The following LCOR variants were observed in gnomAD, a reference collection of about 807,000 sequenced individuals.
The protein encoded by LCOR is ligand-dependent corepressor.
Under a neutral mutation model 64.4 loss-of-function variants are expected in LCOR, and 14 were observed. The ratio of observed to expected loss-of-function variants is 0.22; its 90% CI spans 0.14 to 0.34. The LOEUF (loss-of-function observed/expected upper bound fraction) is 0.34, where lower values mean the gene tolerates loss of function less well. LCOR is among the 10% of genes least tolerant of loss of function. The pLI, the probability that LCOR is intolerant of heterozygous loss-of-function variation, is 1.00. For synonymous variants in LCOR, 643 were observed against 642.5 expected (o/e 1.00, Z -0.01); for missense variants, 1,686 against 1,765.3 (o/e 0.96, Z 0.80).
chr10:96,953,189 C>T (rs1847711424), intron 7 of LCOR, among the ~76,000 whole-genome samples: 1 of 152,088 alleles, frequency 6.6e-6, no homozygotes, highest in African/African-American at 2.4e-5. Context: ...TTAACCCCTT[C>T]TTTTCACTAT....
At chr10:96,938,970 A>G (rs545980848) in intron 4 of LCOR, among the ~76,000 whole-genome samples, 1 of 152,230 alleles carries the variant, frequency 6.6e-6, no homozygotes, top group African/African-American at 2.4e-5. Context: ...TTTTCTACCA[A>G]AATCCCAACT....
chr10:96,969,583 C>T (rs528853596), intron 7 of LCOR, among the ~76,000 whole-genome samples: 1 of 152,158 alleles, frequency 6.6e-6, no homozygotes, highest in South Asian at 2.1e-4. Context: ...GAACAATGAT[C>T]TAAGAGCTGA....
At chr10:96,888,134 A>T (rs1846375122) in intron 2 of LCOR, among the ~76,000 whole-genome samples, 1 of 151,140 alleles carries the variant, frequency 6.6e-6, no homozygotes, top group African/African-American at 2.4e-5. Context: ...TGGGAGGCCG[A>T]GGTTGGCGGA....
At chr10:96,979,714 T>C (rs968073716) in intron 7 of LCOR, among the ~76,000 whole-genome samples, 3 of 152,232 alleles carry the variant, frequency 2.0e-5, no homozygotes, top group Non-Finnish European at 2.9e-5. Context: ...AGACTGCGAA[T>C]TGGGACTTGC....
At chr10:96,867,282 T>C (rs1845990604) in intron 2 of LCOR, among the ~76,000 whole-genome samples, 1 of 152,176 alleles carries the variant, frequency 6.6e-6, no homozygotes. Context: ...CGTGAGCCAC[T>C]GTGCCCGGAC....
rs964298705 is a variant in LCOR at position 96,990,137 on chromosome 10, A to C, written c.*5003A>C. ...GAAAAATAAAAAGATTATTGTATTT[A>C]AAACGAGCAGAATTGTGGGAGGGCC... is the stretch of plus-strand genomic sequence containing the variant. On this transcript the variant is annotated 3_prime_UTR_variant, in exon 8 of 8. Coordinates refer to ENST00000421806, the MANE Select transcript of LCOR (RefSeq NM_001346516.2). The C allele has an allele frequency of 1.3e-4, 20 of 152,180 alleles. No homozygotes were observed. Among genetic ancestry groups the C allele is most frequent in the African/African-American group, 4.6e-4 (19 of 41,438 alleles). 9.4% of individuals were successfully genotyped at this position (152,180 alleles called of 1,614,324 possible).
chr10:96,944,620 C>T (rs1479014344), intron 5 of LCOR, among the ~76,000 whole-genome samples: 2 of 146,626 alleles, frequency 1.4e-5, no homozygotes, highest in Non-Finnish European at 3.0e-5. Flanking sequence ...GTAATTTCAA[C>T]GTGAAATTTC....
intron 2 of LCOR, among the ~76,000 whole-genome samples, chr10:96,859,524 A>G (rs1845854951): frequency 1.3e-5 from 2 of 151,960 alleles, no homozygotes; most frequent in Admixed American, 6.6e-5. Context: ...GACTTGTATC[A>G]TTCTTAAAGT....
chr10:96,846,399 T>C (rs989905323), intron 2 of LCOR, among the ~76,000 whole-genome samples: 1 of 152,082 alleles, frequency 6.6e-6, no homozygotes. Context: ...ACCACAGGTG[T>C]GTACCACCAT....
At chr10:96,931,284 A>T (rs1847254951) in intron 4 of LCOR, among the ~76,000 whole-genome samples, 1 of 148,606 alleles carries the variant, frequency 6.7e-6, no homozygotes, top group African/African-American at 2.5e-5. Context: ...CCCAGGCTAG[A>T]GTGCAGTGGT....
intron 4 of LCOR, chr10:96,915,790 C>A: frequency 1.7e-6 from 1 of 605,672 alleles, no homozygotes. Flanking sequence ...GAAGCTTGGG[C>A]TCTGGCTTTG....
chr10:96,887,736 A>G (rs1256444225), intron 2 of LCOR, among the ~76,000 whole-genome samples: 2 of 151,230 alleles, frequency 1.3e-5, no homozygotes, highest in African/African-American at 4.9e-5. Flanking sequence ...GCTATAGTGC[A>G]ATGGCGCCAT....
chr10:96,885,450 CGGCTCACTG>C (rs1448809174), intron 2 of LCOR, among the ~76,000 whole-genome samples: 1 of 152,012 alleles, frequency 6.6e-6, no homozygotes, highest in Non-Finnish European at 1.5e-5. Context: ...GGCATGATCA[CGGCTCACTG>C]TTCCCTTGAC....
intron 4 of LCOR, chr10:96,915,775 C>G (rs909977397): frequency 3.2e-6 from 2 of 617,290 alleles, no homozygotes; most frequent in South Asian, 2.8e-5. Context: ...TTGCAGGGCC[C>G]TTTTGAAGCT....
chr10:96,835,469 TTTA>T (rs1170454028), intron 2 of LCOR, among the ~76,000 whole-genome samples: 1 of 152,204 alleles, frequency 6.6e-6, no homozygotes, highest in African/African-American at 2.4e-5. Flanking sequence ...TATTTTCTCT[TTTA>T]TTATATGTAA....
intron 2 of LCOR, among the ~76,000 whole-genome samples, chr10:96,873,442 C>A (rs1329348688): frequency 6.6e-6 from 1 of 151,928 alleles, no homozygotes; most frequent in Non-Finnish European, 1.5e-5. Flanking sequence ...TAGTTTTATT[C>A]TCTCCAGGTT....
chr10:96,934,521 A>T (rs992401621), intron 4 of LCOR, among the ~76,000 whole-genome samples: 1 of 152,192 alleles, frequency 6.6e-6, no homozygotes, highest in Non-Finnish European at 1.5e-5. Flanking sequence ...GAGCCAGCCA[A>T]TCTAGGTGGC....
chr10:96,934,492 CAG>C, intron 4 of LCOR, among the ~76,000 whole-genome samples: 1 of 152,178 alleles, frequency 6.6e-6, no homozygotes, highest in Non-Finnish European at 1.5e-5. Context: ...GATTATATAA[CAG>C]AGCCACTTCT....
At chr10:96,893,560 C>G (rs892128828) in intron 2 of LCOR, among the ~76,000 whole-genome samples, 7 of 152,086 alleles carry the variant, frequency 4.6e-5, no homozygotes. Flanking sequence ...GTCAGGAGTT[C>G]TAGACCAGCC....
Sources: gnomAD v4.1 joint callset for allele counts (sites outside exome capture counted in the v4.1 genomes callset) on GRCh38, gnomAD v4.1.1 for gene constraint, MANE v1.5 for transcripts, NCBI Gene and HGNC (gene_info 2026-07-23, HGNC 2026-07-21) for gene names.